The following ETNK1 variants were observed in gnomAD, a reference collection of about 807,000 sequenced individuals.
ETNK1 encodes the protein ethanolamine kinase 1.
ETNK1 carries 8 observed loss-of-function variants against 45.1 expected under a neutral mutation model. That is an observed-to-expected ratio of 0.18 (90% confidence interval 0.10 to 0.32). The LOEUF (loss-of-function observed/expected upper bound fraction) is 0.32, where lower values mean the gene tolerates loss of function less well. ETNK1 is among the 10% of genes least tolerant of loss of function. The pLI, the probability that ETNK1 is intolerant of heterozygous loss-of-function variation, is 1.00. For missense variants in ETNK1, 302 were observed against 430.6 expected, an observed-to-expected ratio of 0.70 and a Z score of 2.64; for synonymous variants, 152 against 151.9, an observed-to-expected ratio of 1.00 and a Z score of -0.01.
intron 1 of ETNK1, 87 bp downstream of exon 1, chr12:22,625,673 A>T (rs1157600216): frequency 2.7e-6 from 4 of 1,501,692 alleles, no homozygotes; most frequent in Non-Finnish European, 3.6e-6. Flanking sequence ...TCCCACGATG[A>T]CCGAGGAGGA....
intron 2 of ETNK1, among the ~76,000 whole-genome samples, chr12:22,652,426 C>CCT (rs1372824490): frequency 6.6e-6 from 1 of 152,162 alleles, no homozygotes; most frequent in Non-Finnish European, 1.5e-5. Context: ...ATTTGAGGAA[C>CCT]CACCATACTG....
At chr12:22,647,490 A>G (rs1953821773) in intron 2 of ETNK1, among the ~76,000 whole-genome samples, 1 of 151,906 alleles carries the variant, frequency 6.6e-6, no homozygotes, top group Admixed American at 6.6e-5. Context: ...ATATTCAGAT[A>G]TAACTAAGGT....
chr12:22,635,567 T>C (rs917169432), intron 1 of ETNK1, among the ~76,000 whole-genome samples: 6 of 152,254 alleles, frequency 3.9e-5, no homozygotes, highest in African/African-American at 1.4e-4. Context: ...TACCACTTGC[T>C]TGACAATATG....
At chr12:22,679,939 A>G (rs892079172) in intron 6 of ETNK1, among the ~76,000 whole-genome samples, 1 of 151,164 alleles carries the variant, frequency 6.6e-6, no homozygotes, top group South Asian at 2.1e-4. Context: ...TGATCCACCC[A>G]CCTCGGCCTC....
At chr12:22,644,489 C>A in intron 2 of ETNK1, 2 of 695,678 alleles carry the variant, frequency 2.9e-6, no homozygotes, top group Non-Finnish European at 3.9e-6. Flanking sequence ...GTCATATATG[C>A]TTGATCATTT....
intron 4 of ETNK1, among the ~76,000 whole-genome samples, chr12:22,667,743 A>G (rs1436470852): frequency 1.3e-5 from 2 of 152,142 alleles, no homozygotes; most frequent in Non-Finnish European, 2.9e-5. Flanking sequence ...TTTGCTTTTC[A>G]TTTTTATTCC....
chr12:22,671,577 G>A (rs1040274111), intron 5 of ETNK1, among the ~76,000 whole-genome samples: 4 of 152,014 alleles, frequency 2.6e-5, no homozygotes, highest in Admixed American at 6.6e-5. Flanking sequence ...GGTGGCTCAC[G>A]CCTGTAATCC....
At chr12:22,642,699 T>C (rs1953754792) in intron 1 of ETNK1, among the ~76,000 whole-genome samples, 1 of 152,078 alleles carries the variant, frequency 6.6e-6, no homozygotes, top group African/African-American at 2.4e-5. Context: ...TGTATATACA[T>C]ACTTTTAAAA....
At chr12:22,645,249 C>G (rs906800409) in intron 2 of ETNK1, among the ~76,000 whole-genome samples, 1 of 151,722 alleles carries the variant, frequency 6.6e-6, no homozygotes, top group African/African-American at 2.4e-5. Flanking sequence ...TGGATCCCCC[C>G]AAAGCTGGTT....
chr12:22,636,011 A>T (rs139012926), intron 1 of ETNK1, among the ~76,000 whole-genome samples: 10 of 152,174 alleles, frequency 6.6e-5, no homozygotes, highest in African/African-American at 9.6e-5. Context: ...CTACAAAAAA[A>T]ATGCAAAAAG....
chr12:22,660,888 C>G (rs1236919430), intron 3 of ETNK1, among the ~76,000 whole-genome samples, 175 bp from the exon 4 acceptor site: 1 of 152,022 alleles, frequency 6.6e-6, no homozygotes, highest in Non-Finnish European at 1.5e-5. Context: ...CATGTCTAAA[C>G]TTACTATATA....
intron 4 of ETNK1, among the ~76,000 whole-genome samples, chr12:22,668,355 T>C (rs1954075203): frequency 6.6e-6 from 1 of 152,180 alleles, no homozygotes; most frequent in Non-Finnish European, 1.5e-5. Flanking sequence ...AAGGAAAAAG[T>C]ATATTTTCTG....
chr12:22,655,350 T>C (rs80257993), intron 2 of ETNK1, among the ~76,000 whole-genome samples: 5 of 100,020 alleles, frequency 5.0e-5, no homozygotes, highest in Non-Finnish European at 1.2e-4. Context: ...TTTTTTTTTT[T>C]TTCGAGACGG....
chr12:22,655,328 GTTTTTTTTTTTT>G (rs10586779), intron 2 of ETNK1, among the ~76,000 whole-genome samples: 4 of 122,786 alleles, frequency 3.3e-5, no homozygotes, highest in Admixed American at 1.6e-4. Context: ...GGGTTTGTTT[GTTTTTTTTTTTT>G]TTTTTTTTTT....
At chr12:22,662,242 ATTTTTTTTTTTT>A (rs774396641) in intron 4 of ETNK1, among the ~76,000 whole-genome samples, 1 of 73,432 alleles carries the variant, frequency 1.4e-5, no homozygotes, top group Non-Finnish European at 2.8e-5. Flanking sequence ...TAATTTTTGT[ATTTTTTTTTTTT>A]TTTTTTTTTT....
intron 2 of ETNK1, among the ~76,000 whole-genome samples, chr12:22,650,818 A>G (rs1953865265): frequency 6.6e-6 from 1 of 152,174 alleles, no homozygotes; most frequent in Non-Finnish European, 1.5e-5. Context: ...GGTATACTTG[A>G]TTAAAGTGTT....
chr12:22,665,982 TACATA>T (rs1330978495), intron 4 of ETNK1, among the ~76,000 whole-genome samples: 2 of 152,276 alleles, frequency 1.3e-5, no homozygotes, highest in South Asian at 2.1e-4. Context: ...AGCATATGTA[TACATA>T]ACATATTTAC....
chr12:22,661,820 G>T (rs549771920), intron 4 of ETNK1, among the ~76,000 whole-genome samples: 8 of 152,118 alleles, frequency 5.3e-5, no homozygotes, highest in African/African-American at 1.9e-4. Context: ...ATACTTTTTG[G>T]TGAAATGTTT....
Position 22,631,679 on chromosome 12 carries a change from C to T in ETNK1, c.156+6093C>T, listed in dbSNP as rs572002567. ...TGAGATGGAAATAAGGTACAGATTT[C>T]ACATTTCAGAAAATAAATGTGCAGG... is the stretch of plus-strand genomic sequence containing the variant. On this transcript the variant is annotated intron_variant, in intron 1 of 7. Coordinates refer to ENST00000266517, the MANE Select transcript of ETNK1 (RefSeq NM_018638.5). 3.0e-4 allele frequency among the ~76,000 whole-genome samples: 46 copies of T among 152,040 alleles called. 1 individual carries two copies. The highest frequency in any genetic ancestry group is 6.2e-4 in the Non-Finnish European group (42 of 68,016).
Sources: allele counts gnomAD v4.1 joint callset (sites outside exome capture counted in the v4.1 genomes callset), GRCh38; gene constraint gnomAD v4.1.1; transcripts MANE v1.5; gene names NCBI Gene and HGNC (gene_info 2026-07-23, HGNC 2026-07-21).